ZBTB20: variants seen among roughly 807,000 people sequenced by gnomAD.
ZBTB20 encodes the protein zinc finger and BTB domain-containing protein 20.
ZBTB20 carries 9 observed loss-of-function variants against 56.9 expected under a neutral mutation model. The ratio of observed to expected loss-of-function variants is 0.16; its 90% CI spans 0.10 to 0.28. The LOEUF (loss-of-function observed/expected upper bound fraction) is 0.28, where lower values mean the gene tolerates loss of function less well. Ranked by LOEUF, ZBTB20 falls within the 10% of genes least tolerant of loss-of-function variation. ZBTB20 has a pLI of 1.00. For synonymous variants in ZBTB20, 417 were observed against 420.7 expected, an observed-to-expected ratio of 0.99 and a Z score of 0.11; for missense variants, 655 against 1,003.0, an observed-to-expected ratio of 0.65 and a Z score of 4.69.
At chr3:115,064,560 T>C (rs1268643520) in intron 2 of ZBTB20, among the ~76,000 whole-genome samples, 1 of 148,198 alleles carries the variant, frequency 6.7e-6, no homozygotes, top group Non-Finnish European at 1.5e-5. Flanking sequence ...CAAGTGATTC[T>C]CCTGCCTCAG....
At chr3:114,785,060 C>T (rs1338156733) in intron 5 of ZBTB20, among the ~76,000 whole-genome samples, 1 of 152,104 alleles carries the variant, frequency 6.6e-6, no homozygotes, top group African/African-American at 2.4e-5. Flanking sequence ...CAGACATACT[C>T]CAGAATCCAT....
At chr3:114,506,387 C>T (rs1175310967) in intron 6 of ZBTB20, among the ~76,000 whole-genome samples, 1 of 152,092 alleles carries the variant, frequency 6.6e-6, no homozygotes, top group Non-Finnish European at 1.5e-5. Context: ...TCCATCCCAC[C>T]CCATATGAAT....
chr3:114,641,059 A>G (rs770805614), intron 6 of ZBTB20, among the ~76,000 whole-genome samples: 5 of 152,106 alleles, frequency 3.3e-5, no homozygotes, highest in Admixed American at 6.6e-5. Context: ...AACCCTTTCT[A>G]AAATATGTTT....
chr3:114,851,457 A>C (rs543717094), intron 4 of ZBTB20, among the ~76,000 whole-genome samples: 7 of 139,756 alleles, frequency 5.0e-5, no homozygotes, highest in African/African-American at 1.8e-4. Context: ...TTTTTCACAT[A>C]TATATATAAA....
chr3:114,407,764 A>C (rs780560429), intron 7 of ZBTB20, among the ~76,000 whole-genome samples: 1 of 152,206 alleles, frequency 6.6e-6, no homozygotes, highest in Non-Finnish European at 1.5e-5. Context: ...CAAAAGGAGA[A>C]GTCAGAATAA....
At chr3:114,515,551 T>C (rs1456317103) in intron 6 of ZBTB20, among the ~76,000 whole-genome samples, 1 of 152,200 alleles carries the variant, frequency 6.6e-6, no homozygotes, top group Non-Finnish European at 1.5e-5. Flanking sequence ...AGTTTCCTTT[T>C]TCACTCCACA....
intron 4 of ZBTB20, among the ~76,000 whole-genome samples, chr3:114,811,227 A>G (rs2072493330): frequency 6.6e-6 from 1 of 152,232 alleles, no homozygotes; most frequent in Non-Finnish European, 1.5e-5. Flanking sequence ...ATTTTCTCAC[A>G]GATTCCTGGG....
intron 6 of ZBTB20, among the ~76,000 whole-genome samples, chr3:114,560,149 T>G (rs916658929): frequency 6.6e-6 from 1 of 152,184 alleles, no homozygotes; most frequent in Non-Finnish European, 1.5e-5. Flanking sequence ...ACAGTGTATA[T>G]TTTTCCACAT....
At chr3:114,898,697 T>C (rs1006708353) in intron 4 of ZBTB20, among the ~76,000 whole-genome samples, 1 of 152,160 alleles carries the variant, frequency 6.6e-6, no homozygotes, top group African/African-American at 2.4e-5. Context: ...CTGTGTTTCC[T>C]ACTTCCAAAG....
intron 6 of ZBTB20, among the ~76,000 whole-genome samples, chr3:114,633,254 G>A (rs9815553): frequency 1.3e-5 from 2 of 152,240 alleles, no homozygotes; most frequent in African/African-American, 4.8e-5. Flanking sequence ...GGGCTGCTGG[G>A]CCTACAGTCA....
intron 6 of ZBTB20, among the ~76,000 whole-genome samples, chr3:114,531,894 A>T (rs868731640): frequency 6.6e-5 from 10 of 152,228 alleles, no homozygotes; most frequent in African/African-American, 2.4e-4. Context: ...GGGTTGGGGA[A>T]TTCCCTCCGT....
chr3:114,406,010 T>TA (rs920237008), intron 7 of ZBTB20, among the ~76,000 whole-genome samples: 158 of 145,904 alleles, frequency 1.1e-3, no homozygotes, highest in Admixed American at 2.7e-3. Flanking sequence ...CTGAGCAGAT[T>TA]AAAAAAAAAA....
chr3:114,466,298 C>T (rs1265836063), intron 7 of ZBTB20, among the ~76,000 whole-genome samples: 1 of 152,166 alleles, frequency 6.6e-6, no homozygotes, highest in Non-Finnish European at 1.5e-5. Context: ...GTTCTCATAA[C>T]ATCTAAGGTA....
chr3:114,765,009 C>T (rs1004988374), intron 5 of ZBTB20, among the ~76,000 whole-genome samples: 5 of 152,134 alleles, frequency 3.3e-5, no homozygotes, highest in African/African-American at 4.8e-5. Context: ...GAAGAAAACA[C>T]TTTCGGAAGA....
intron 4 of ZBTB20, among the ~76,000 whole-genome samples, chr3:114,823,766 C>G (rs568741123): frequency 1.5e-4 from 23 of 152,030 alleles, no homozygotes; most frequent in African/African-American, 5.5e-4. Flanking sequence ...TTTTATTTTA[C>G]GCAACTTGTG....
intron 1 of ZBTB20, among the ~76,000 whole-genome samples, chr3:115,072,776 G>A (rs531577492): frequency 1.3e-5 from 2 of 152,244 alleles, no homozygotes; most frequent in South Asian, 4.1e-4. Context: ...CAGGATAAAC[G>A]TGAAAGGCTC....
chr3:114,631,640 C>T (rs1207044093), intron 6 of ZBTB20, among the ~76,000 whole-genome samples: 1 of 151,920 alleles, frequency 6.6e-6, no homozygotes, highest in African/African-American at 2.4e-5. Context: ...ATCCGCCTGC[C>T]TCGGCCTCCC....
At chr3:114,787,368 T>TACATAC (rs1553821531) in intron 5 of ZBTB20, among the ~76,000 whole-genome samples, 15 of 106,310 alleles carry the variant, frequency 1.4e-4, no homozygotes, top group Non-Finnish European at 2.3e-4. Flanking sequence ...TATATATATA[T>TACATAC]ACACACACAC....
intron 7 of ZBTB20, among the ~76,000 whole-genome samples, chr3:114,441,888 C>T (rs981323119): frequency 2.0e-5 from 3 of 151,874 alleles, no homozygotes; most frequent in Non-Finnish European, 4.4e-5. Flanking sequence ...AAATCCAAAC[C>T]AAAACCAAAA....
Sources: allele counts gnomAD v4.1 joint callset (sites outside exome capture counted in the v4.1 genomes callset), GRCh38; gene constraint gnomAD v4.1.1; transcripts MANE v1.5; gene names NCBI Gene and HGNC (gene_info 2026-07-23, HGNC 2026-07-21).